Variants in PTER observed in about 807,000 individuals in gnomAD.
PTER encodes the protein N-acetyltaurine hydrolase.
Under a neutral mutation model 29.6 loss-of-function variants are expected in PTER, and 38 were observed. The observed-to-expected ratio is 1.28, with a 90% confidence interval of 0.99 to 1.68. The LOEUF (loss-of-function observed/expected upper bound fraction) is 1.68. Among genes scored for constraint, PTER ranks in the 40% most tolerant of loss-of-function variants. PTER has a pLI of 0.00. For missense variants in PTER, 482 were observed against 427.8 expected (o/e 1.13, Z -1.12); for synonymous variants, 172 against 154.5 (o/e 1.11, Z -0.84).
At chr10:16,499,793 G>A (rs1174704445) in intron 3 of PTER, among the ~76,000 whole-genome samples, 3 of 151,756 alleles carry the variant, frequency 2.0e-5, no homozygotes, top group Non-Finnish European at 2.9e-5. Context: ...ACCCCAAGGA[G>A]GTCATATCAA....
intron 1 of PTER, among the ~76,000 whole-genome samples, chr10:16,477,291 GATAGATA>G (rs1326415398): frequency 4.2e-5 from 6 of 142,288 alleles, no homozygotes; most frequent in Non-Finnish European, 5.9e-5. Context: ...TAGATAGATA[GATAGATA>G]GATGGATGTC....
At position 16,480,904 on chromosome 10, in the gene PTER, T is replaced by A. The variant is rs143596089; in HGVS notation, c.-48-3433T>A. 1.8e-3 allele frequency among the ~76,000 whole-genome samples: 280 copies of A among 152,366 alleles called. 2 individuals carry two copies. The highest frequency in any genetic ancestry group is 6.3e-3 in the African/African-American group (261 of 41,596). ...TTTTAGAATACACATATTTTAAACA[T>A]GCGTATTTTAAATAAGACAAATCCT... On this transcript the variant is annotated intron_variant, in intron 1 of 4. Coordinates refer to ENST00000535784, the MANE Select transcript of PTER (RefSeq NM_001261836.2).
intron 1 of PTER, among the ~76,000 whole-genome samples, chr10:16,448,748 AACAAGATTATGAC>A (rs754158504): frequency 2.0e-5 from 3 of 152,220 alleles, no homozygotes; most frequent in African/African-American, 4.8e-5. Flanking sequence ...GGTCCCTCTG[AACAAGATTATGAC>A]ACAAAGCCAG....
At chr10:16,463,385 A>C (rs1303302630) in intron 1 of PTER, among the ~76,000 whole-genome samples, 1 of 152,018 alleles carries the variant, frequency 6.6e-6, no homozygotes, top group African/African-American at 2.4e-5. Context: ...GTGTTCTTTT[A>C]TAAGAAACAG....
intron 1 of PTER, 54 bp from the exon 2 acceptor site, chr10:16,484,283 A>G: frequency 8.5e-7 from 1 of 1,174,600 alleles, no homozygotes; most frequent in African/African-American, 1.5e-5. Context: ...ACAAGAGTTT[A>G]TGTGTGTGTT....
chr10:16,455,955 T>C (rs893040379), intron 1 of PTER, among the ~76,000 whole-genome samples: 3 of 152,176 alleles, frequency 2.0e-5, no homozygotes, highest in Non-Finnish European at 4.4e-5. Flanking sequence ...ACTTTTTTTT[T>C]GGAAACCGAG....
intron 4 of PTER, among the ~76,000 whole-genome samples, chr10:16,506,581 A>G (rs753858867): frequency 1.4e-4 from 21 of 152,314 alleles, no homozygotes; most frequent in Non-Finnish European, 2.6e-4. Flanking sequence ...AAGGCAACAA[A>G]TAGATGGAAT....
chr10:16,482,816 C>G (rs891154916), intron 1 of PTER, among the ~76,000 whole-genome samples: 1 of 152,048 alleles, frequency 6.6e-6, no homozygotes, highest in Non-Finnish European at 1.5e-5. Context: ...TAATCTCGCT[C>G]TGTTTCCCAG....
chr10:16,514,567 T>C, downstream of PTER: 1 of 1,613,850 alleles, frequency 6.2e-7, no homozygotes, highest in East Asian at 2.2e-5. Flanking sequence ...ACGTGCTGTA[T>C]TTGTTGTTGT....
intron 3 of PTER, among the ~76,000 whole-genome samples, chr10:16,491,670 A>G (rs1405112447): frequency 6.6e-6 from 1 of 151,922 alleles, no homozygotes; most frequent in African/African-American, 2.4e-5. Context: ...TTAAAAACCA[A>G]AAAAAAAGAT....
rs60746148 is a variant in PTER at position 16,480,193 on chromosome 10, A to ATTTT, written c.-48-4133_-48-4130dup. Among the ~76,000 whole-genome samples, 670 of 137,024 alleles carry ATTTT rather than the reference A, an allele frequency of 4.9e-3. 11 individuals are homozygous for ATTTT. Among genetic ancestry groups the ATTTT allele is most frequent in the African/African-American group, 0.017 (617 of 36,446 alleles). 89.9% of individuals were successfully genotyped at this position (137,024 alleles called of 152,430 possible). ...CTCAGTTTTGTAATTTGACTATAGC[A>ATTTT]TTTTTTTTTTTTTTGAGATAGAGTC... On this transcript the variant is annotated intron_variant, in intron 1 of 4. Transcript: ENST00000535784.
chr10:16,464,934 A>G (rs1053960155), intron 1 of PTER, among the ~76,000 whole-genome samples: 1 of 152,196 alleles, frequency 6.6e-6, no homozygotes, highest in Non-Finnish European at 1.5e-5. Context: ...GCAAAGTCAC[A>G]TCTTACATGG....
chr10:16,474,683 C>G (rs936942065), intron 1 of PTER, among the ~76,000 whole-genome samples: 4 of 151,944 alleles, frequency 2.6e-5, no homozygotes, highest in African/African-American at 9.7e-5. Context: ...GTCAGGAGTT[C>G]GAGACCAGCC....
Position 16,458,505 on chromosome 10 carries a change from C to T in PTER, c.-49+21458C>T, listed in dbSNP as rs1164570657. 2.6e-5 allele frequency among the ~76,000 whole-genome samples: 4 copies of T among 152,188 alleles called. No homozygotes were observed. The South Asian group carries it at 8.3e-4, about 32-fold the overall frequency. On this transcript the variant is annotated intron_variant, in intron 1 of 4. Transcript: ENST00000535784. ...ACAGGAGATTATAATGACACAATAA[C>T]TTAGATGCACATTCATGATGTGAAA... is the stretch of plus-strand genomic sequence containing the variant.
chr10:16,510,446 G>A (rs1836767633), intron 4 of PTER, among the ~76,000 whole-genome samples: 1 of 152,200 alleles, frequency 6.6e-6, no homozygotes, highest in Non-Finnish European at 1.5e-5. Flanking sequence ...AATTGCCATA[G>A]ACTTCAAAGG....
intron 1 of PTER, among the ~76,000 whole-genome samples, chr10:16,444,847 A>C (rs1441097969): frequency 6.6e-6 from 1 of 152,174 alleles, no homozygotes; most frequent in Non-Finnish European, 1.5e-5. Flanking sequence ...GGTTTTTTTT[A>C]ATCCTTAAAA....
At chr10:16,465,391 G>A (rs1290607402) in intron 1 of PTER, among the ~76,000 whole-genome samples, 1 of 152,152 alleles carries the variant, frequency 6.6e-6, no homozygotes, top group Non-Finnish European at 1.5e-5. Context: ...TGAAATGTAT[G>A]CAGGTGAAAT....
chr10:16,493,304 C>A lies in PTER; in HGVS notation c.698+6687C>A, dbSNP rs568941347. Among the ~76,000 whole-genome samples, 6 of 152,242 alleles carry A rather than the reference C, an allele frequency of 3.9e-5. No homozygotes were observed. The South Asian group carries it at 1.2e-3, about 32-fold the overall frequency. On this transcript the variant is annotated intron_variant, in intron 3 of 4. Coordinates refer to ENST00000535784, the MANE Select transcript of PTER (RefSeq NM_001261836.2). ...GACAAACTGAAACTGAGCAAAACAT[C>A]GTGATATCGTTAAGTAGTACAGGGG...
At chr10:16,480,780 T>A (rs1835451847) in intron 1 of PTER, among the ~76,000 whole-genome samples, 1 of 152,196 alleles carries the variant, frequency 6.6e-6, no homozygotes, top group Non-Finnish European at 1.5e-5. Flanking sequence ...TCAGTGAAAC[T>A]AAACTAAAAT....
Sources: allele counts gnomAD v4.1 joint callset (sites outside exome capture counted in the v4.1 genomes callset), GRCh38; gene constraint gnomAD v4.1.1; transcripts MANE v1.5; gene names NCBI Gene and HGNC (gene_info 2026-07-23, HGNC 2026-07-21).